The following APBB2 variants were observed in gnomAD, a reference collection of about 807,000 sequenced individuals.
APBB2 encodes amyloid beta precursor protein binding family B member 2, also known as Fe65-like 1.
A neutral mutation model predicts 82.5 loss-of-function variants in APBB2; 38 were observed. The ratio of observed to expected loss-of-function variants is 0.46; its 90% CI spans 0.36 to 0.60. The LOEUF (loss-of-function observed/expected upper bound fraction) is 0.60. Among genes scored for constraint, APBB2 ranks in the 20% least tolerant of loss-of-function variants. The probability of loss-of-function intolerance (pLI) is 0.00; values close to 1 mark genes in which losing one functional copy is unlikely to be tolerated. For synonymous variants in APBB2, 341 were observed against 368.2 expected (o/e 0.93, Z 0.85); for missense variants, 772 against 972.3 (o/e 0.79, Z 2.74).
chr4:41,053,595 T>C lies in APBB2; in HGVS notation c.-51+11981A>G, dbSNP rs79600863. Among the ~76,000 whole-genome samples the C allele has an allele frequency of 8.8e-3, 1,293 of 147,364 alleles. 32 individuals are homozygous for C. The East Asian group carries it at 0.1, about 11-fold the overall frequency. On this transcript the variant is annotated intron_variant, in intron 4 of 17. Transcript: ENST00000508593. Reference sequence around the variant, plus strand: ...TAAAGCCTGTTGGAGCTTAACATTTTCAAGAAATCAGACTATTTATGCTAT... The same window carrying C: ...TAAAGCCTGTTGGAGCTTAACATTTCCAAGAAATCAGACTATTTATGCTAT...
At chr4:40,913,403 C>G (rs1389841578) in intron 10 of APBB2, among the ~76,000 whole-genome samples, 1 of 152,250 alleles carries the variant, frequency 6.6e-6, no homozygotes, top group East Asian at 1.9e-4. Context: ...TTGGTACTCT[C>G]TACCCTAAAA....
intron 1 of APBB2, among the ~76,000 whole-genome samples, chr4:41,186,740 T>A (rs1773010404): frequency 6.6e-6 from 1 of 152,208 alleles, no homozygotes; most frequent in Non-Finnish European, 1.5e-5. Flanking sequence ...ATGCATTTAA[T>A]ACAGCACTAT....
At chr4:41,044,206 G>A (rs557790313) in intron 4 of APBB2, among the ~76,000 whole-genome samples, 2 of 152,274 alleles carry the variant, frequency 1.3e-5, no homozygotes, top group South Asian at 4.1e-4. Context: ...CAGTGGTACA[G>A]TTCATGTAAG....
intron 6 of APBB2, among the ~76,000 whole-genome samples, chr4:41,002,235 T>C (rs1219912597): frequency 2.0e-5 from 3 of 152,204 alleles, no homozygotes; most frequent in Non-Finnish European, 4.4e-5. Flanking sequence ...ACCACCCACA[T>C]CCTAGGTTTT....
intron 3 of APBB2, among the ~76,000 whole-genome samples, chr4:41,074,985 C>A (rs1260144837): frequency 6.6e-6 from 1 of 151,896 alleles, no homozygotes; most frequent in Admixed American, 6.6e-5. Context: ...CTCGACTCCA[C>A]AAAAAATTAT....
intron 6 of APBB2, among the ~76,000 whole-genome samples, chr4:40,985,292 T>A (rs983566076): frequency 4.8e-5 from 7 of 145,178 alleles, no homozygotes; most frequent in African/African-American, 1.7e-4. Flanking sequence ...TAAAAAAAAA[T>A]GCAGTTAATA....
intron 6 of APBB2, among the ~76,000 whole-genome samples, chr4:40,992,127 T>C (rs1430478013): frequency 6.6e-6 from 1 of 151,884 alleles, no homozygotes; most frequent in East Asian, 1.9e-4. Context: ...AAAGTGAAAA[T>C]GACGATGCTT....
At chr4:40,987,163 C>A (rs1800619528) in intron 6 of APBB2, among the ~76,000 whole-genome samples, 1 of 152,056 alleles carries the variant, frequency 6.6e-6, no homozygotes. Context: ...CCACAGCTTG[C>A]CATTTTACTC....
chr4:41,061,811 A>G (rs531268318), intron 4 of APBB2, among the ~76,000 whole-genome samples: 10 of 152,260 alleles, frequency 6.6e-5, no homozygotes, highest in Non-Finnish European at 1.2e-4. Flanking sequence ...AGGCAGAATA[A>G]TCTCAAAACA....
At chr4:40,889,116 A>G (rs1323671200) in intron 12 of APBB2, among the ~76,000 whole-genome samples, 1 of 152,240 alleles carries the variant, frequency 6.6e-6, no homozygotes, top group African/African-American at 2.4e-5. Context: ...AGCTGTCATC[A>G]TTCATCACTC....
chr4:41,118,274 T>C (rs1326913994), intron 2 of APBB2: 1 of 151,946 alleles, frequency 6.6e-6, no homozygotes, highest in Non-Finnish European at 1.5e-5. Context: ...TAGCCACTAG[T>C]CGTGGATTTG....
At position 40,891,116 on chromosome 4, in the gene APBB2, A is replaced by G. The variant is rs144239227; in HGVS notation, c.1402-625T>C. ...TGAGGGCTTGGATTGTTACTATCCC[A>G]GTTAGCAGCTGGGGAAACTGAGGCT... is the stretch of plus-strand genomic sequence containing the variant. On this transcript the variant is annotated intron_variant, in intron 11 of 17. Coordinates refer to ENST00000508593, the MANE Select transcript of APBB2 (RefSeq NM_004307.2). Among the ~76,000 whole-genome samples, 63 of 152,340 alleles carry G rather than the reference A, an allele frequency of 4.1e-4. No individual in the cohort carries two copies. In the East Asian group the frequency reaches 9.8e-3, roughly 24 times the overall value.
chr4:41,147,697 C>A (rs1761171707), intron 1 of APBB2, among the ~76,000 whole-genome samples: 1 of 152,034 alleles, frequency 6.6e-6, no homozygotes, highest in Non-Finnish European at 1.5e-5. Flanking sequence ...CCATGTTGGC[C>A]AGGCTGGCCT....
chr4:40,836,479 A>AAAAC (rs371261720), intron 12 of APBB2, among the ~76,000 whole-genome samples: 5,345 of 152,124 alleles, frequency 0.035, 195 homozygotes, highest in Admixed American at 0.12. Context: ...CTCCATCTCA[A>AAAAC]AAACAAACAA....
At chr4:41,182,126 C>G (rs187124352) in intron 1 of APBB2, among the ~76,000 whole-genome samples, 1 of 152,264 alleles carries the variant, frequency 6.6e-6, no homozygotes, top group Admixed American at 6.5e-5. Flanking sequence ...ATCCTAGTGA[C>G]TCCGCATCTC....
chr4:41,048,319 A>G (rs1724187810), intron 4 of APBB2, among the ~76,000 whole-genome samples: 1 of 152,224 alleles, frequency 6.6e-6, no homozygotes, highest in Non-Finnish European at 1.5e-5. Flanking sequence ...AAATCCAAAA[A>G]CAAAAATATG....
chr4:40,857,093 T>G (rs1761463648), intron 12 of APBB2: 30 of 985,456 alleles, frequency 3.0e-5, no homozygotes, highest in Non-Finnish European at 3.6e-5. Context: ...AGCCCCAGGG[T>G]GCCGGCACCA....
chr4:40,969,248 C>T (rs10002824), intron 6 of APBB2, among the ~76,000 whole-genome samples: 37,931 of 152,104 alleles, frequency 0.25, 5,109 homozygotes, highest in Middle Eastern at 0.32. Context: ...GTGTGACACA[C>T]CCACCTCCTT....
chr4:40,970,013 T>C (rs1227020301), intron 6 of APBB2, among the ~76,000 whole-genome samples: 1 of 152,246 alleles, frequency 6.6e-6, no homozygotes, highest in Non-Finnish European at 1.5e-5. Flanking sequence ...CTTACATGTA[T>C]TGATATTACC....
Sources: gnomAD v4.1 joint callset for allele counts (sites outside exome capture counted in the v4.1 genomes callset) on GRCh38, gnomAD v4.1.1 for gene constraint, MANE v1.5 for transcripts, NCBI Gene and HGNC (gene_info 2026-07-23, HGNC 2026-07-21) for gene names.